Variants in NELL1 observed in about 807,000 individuals in gnomAD.
The protein encoded by NELL1 is neural EGFL like 1, also known as protein kinase C-binding protein NELL1.
In NELL1, 76 loss-of-function variants were observed where a neutral mutation model predicts 107.4. The observed-to-expected ratio is 0.71, with a 90% confidence interval of 0.59 to 0.86. The LOEUF (loss-of-function observed/expected upper bound fraction) is 0.86, where lower values mean the gene tolerates loss of function less well. NELL1 is among the 40% of genes least tolerant of loss of function. The probability of loss-of-function intolerance (pLI) is 0.00; values close to 1 mark genes in which losing one functional copy is unlikely to be tolerated. For missense variants in NELL1, 1,024 were observed against 1,005.5 expected, an observed-to-expected ratio of 1.02 and a Z score of -0.25; for synonymous variants, 353 against 341.2, an observed-to-expected ratio of 1.03 and a Z score of -0.38.
intron 12 of NELL1, among the ~76,000 whole-genome samples, chr11:21,021,499 G>A (rs770565676): frequency 6.6e-6 from 1 of 152,040 alleles, no homozygotes; most frequent in African/African-American, 2.4e-5. Context: ...CATTATCAGA[G>A]CACGTCTTAG....
intron 4 of NELL1, among the ~76,000 whole-genome samples, chr11:20,879,737 T>G (rs1254304351): frequency 6.6e-6 from 1 of 152,214 alleles, no homozygotes; most frequent in Non-Finnish European, 1.5e-5. Flanking sequence ...AAAACTTTTA[T>G]AAATGTCAAA....
intron 2 of NELL1, among the ~76,000 whole-genome samples, chr11:20,725,660 CTTG>C (rs1855492362): frequency 6.6e-6 from 1 of 152,136 alleles, no homozygotes; most frequent in Admixed American, 6.5e-5. Context: ...AGTTATACAG[CTTG>C]TTAATTGCAG....
intron 12 of NELL1, among the ~76,000 whole-genome samples, chr11:21,029,523 A>T (rs1038884461): frequency 2.6e-5 from 4 of 152,136 alleles, no homozygotes; most frequent in Non-Finnish European, 5.9e-5. Context: ...GTGATCACAC[A>T]AATGCACTAT....
chr11:21,009,842 T>C (rs1331799825), intron 12 of NELL1, among the ~76,000 whole-genome samples: 17 of 152,058 alleles, frequency 1.1e-4, no homozygotes, highest in Non-Finnish European at 2.9e-5. Context: ...GAAGGTTTAA[T>C]AGCAGTGGGT....
chr11:21,362,824 G>A (rs867142949), intron 14 of NELL1, among the ~76,000 whole-genome samples: 7 of 152,206 alleles, frequency 4.6e-5, no homozygotes, highest in South Asian at 2.1e-4. Context: ...CGCAAGTCTT[G>A]GCTCAGACTC....
At chr11:21,098,394 G>A (rs1854707375) in intron 12 of NELL1, among the ~76,000 whole-genome samples, 1 of 152,098 alleles carries the variant, frequency 6.6e-6, no homozygotes, top group African/African-American at 2.4e-5. Flanking sequence ...GAAAGGCATG[G>A]CCAAGCCTGC....
intron 12 of NELL1, among the ~76,000 whole-genome samples, chr11:20,966,949 T>C (rs1851398921): frequency 6.6e-6 from 1 of 151,870 alleles, no homozygotes; most frequent in Admixed American, 6.6e-5. Flanking sequence ...AAAGAAGGGG[T>C]AAATTCCTAA....
At chr11:21,136,969 T>C (rs1855757440) in intron 13 of NELL1, among the ~76,000 whole-genome samples, 1 of 152,234 alleles carries the variant, frequency 6.6e-6, no homozygotes, top group African/African-American at 2.4e-5. Context: ...AGGCAGTCAT[T>C]CTACCTGTAT....
intron 3 of NELL1, among the ~76,000 whole-genome samples, chr11:20,794,965 C>T (rs1857142368): frequency 6.6e-6 from 1 of 152,208 alleles, no homozygotes; most frequent in African/African-American, 2.4e-5. Flanking sequence ...CTGCCTTTTC[C>T]AAAGCTGTCA....
At chr11:21,065,816 C>T (rs1185937253) in intron 12 of NELL1, among the ~76,000 whole-genome samples, 1 of 152,112 alleles carries the variant, frequency 6.6e-6, no homozygotes, top group Non-Finnish European at 1.5e-5. Context: ...ATTGTATGTG[C>T]TACACAAGAA....
intron 7 of NELL1, among the ~76,000 whole-genome samples, chr11:20,921,287 G>A (rs1356890996): frequency 3.3e-5 from 5 of 152,102 alleles, no homozygotes; most frequent in Non-Finnish European, 7.4e-5. Flanking sequence ...AGTAATACAA[G>A]CATTTACTAT....
At chr11:20,918,029 G>C (rs1850295084) in intron 5 of NELL1, among the ~76,000 whole-genome samples, 153 bp from the exon 6 acceptor site, 1 of 151,940 alleles carries the variant, frequency 6.6e-6, no homozygotes, top group Non-Finnish European at 1.5e-5. Flanking sequence ...GGATGCTTTA[G>C]AGTAGTTCAG....
intron 13 of NELL1, among the ~76,000 whole-genome samples, chr11:21,132,745 C>G (rs1241331195): frequency 6.7e-6 from 1 of 150,142 alleles, no homozygotes. Flanking sequence ...GGTCGAAGCT[C>G]TTCTTTCCTT....
rs548660431 is a variant in NELL1 at position 20,732,124 on chromosome 11, C to T, written c.185-51556C>T. Among the ~76,000 whole-genome samples, 6 of 151,946 alleles carry T rather than the reference C, an allele frequency of 3.9e-5. No individual in the cohort carries two copies. In the South Asian group the frequency reaches 1.3e-3, roughly 32 times the overall value. On this transcript the variant is annotated intron_variant, in intron 2 of 19. Coordinates refer to ENST00000357134, the MANE Select transcript of NELL1 (RefSeq NM_006157.5). ...TTTTTTTCTCACTAGTCATCATTTT[C>T]CGAGTCCTTTCCCTCGGTGGAAGGA...
rs559935367 is a variant in NELL1, at chr11:21,521,308, G to A, written c.1646-13066G>A. Among the ~76,000 whole-genome samples the A allele has an allele frequency of 7.9e-5, 12 of 152,030 alleles. No homozygotes were observed. The South Asian group carries it at 8.3e-4, about 11-fold the overall frequency. On this transcript the variant is annotated intron_variant, in intron 15 of 19. Coordinates refer to ENST00000357134, the MANE Select transcript of NELL1 (RefSeq NM_006157.5). ...AATATTTGTACCTTTTCTAAATATC[G>A]TATTTTGATTTGATATCTGTTTAAT... is the stretch of plus-strand genomic sequence containing the variant.
intron 12 of NELL1, among the ~76,000 whole-genome samples, chr11:21,090,677 T>C (rs1410909604): frequency 6.6e-6 from 1 of 152,200 alleles, no homozygotes; most frequent in Non-Finnish European, 1.5e-5. Context: ...TTTTCACTTA[T>C]TTTTATGTGG....
chr11:21,421,411 A>G (rs1345268463), intron 15 of NELL1, among the ~76,000 whole-genome samples: 5 of 152,120 alleles, frequency 3.3e-5, no homozygotes, highest in African/African-American at 1.2e-4. Flanking sequence ...ACTCTGTGGC[A>G]CATGCATGTG....
At chr11:21,058,379 T>C (rs1018649596) in intron 12 of NELL1, among the ~76,000 whole-genome samples, 3 of 152,172 alleles carry the variant, frequency 2.0e-5, no homozygotes, top group African/African-American at 7.2e-5. Flanking sequence ...AATGACATAT[T>C]CCAAGCTCTA....
In NELL1 at chr11:21,272,905, G is replaced by A. The variant is rs553184913; in HGVS notation, c.1549+43451G>A. ...ATCCACACCAAAAACCCATCTGTAC[G>A]TCACCATCATCAAAGACCAAAGGTA... On this transcript the variant is annotated intron_variant, in intron 14 of 19. Transcript: ENST00000357134. 1.2e-3 allele frequency among the ~76,000 whole-genome samples: 176 copies of A among 152,256 alleles called. 1 individual carries two copies. Among genetic ancestry groups the A allele is most frequent in the African/African-American group, 3.9e-3 (163 of 41,536 alleles).
Sources: allele counts gnomAD v4.1 joint callset (sites outside exome capture counted in the v4.1 genomes callset), GRCh38; gene constraint gnomAD v4.1.1; transcripts MANE v1.5; gene names NCBI Gene and HGNC (gene_info 2026-07-23, HGNC 2026-07-21).